KCTD16: variants seen among roughly 807,000 people sequenced by gnomAD.
The protein encoded by KCTD16 is BTB/POZ domain-containing protein KCTD16.
A neutral mutation model predicts 33.2 loss-of-function variants in KCTD16; 13 were observed. The ratio of observed to expected loss-of-function variants is 0.39; its 90% CI spans 0.25 to 0.62. The LOEUF is 0.62. Ranked by LOEUF, KCTD16 falls within the 20% of genes least tolerant of loss-of-function variation. The pLI is 0.50. For missense variants in KCTD16, 441 were observed against 525.1 expected, an observed-to-expected ratio of 0.84 and a Z score of 1.57; for synonymous variants, 197 against 195.3, an observed-to-expected ratio of 1.01 and a Z score of -0.07.
rs1314414129 is a variant in KCTD16, at chr5:144,456,058, A to G, written c.833-17602A>G. ...CTTGCATGATCTTCTACTTGTAGCTATAAATATCTGATTCACACACCTCCC... is the reference window on the plus strand; with the variant it reads ...CTTGCATGATCTTCTACTTGTAGCTGTAAATATCTGATTCACACACCTCCC... On this transcript the variant is annotated intron_variant, in intron 3 of 3. Transcript: ENST00000512467. 3.3e-5 allele frequency among the ~76,000 whole-genome samples: 5 copies of G among 152,272 alleles called. No individual in the cohort carries two copies. The East Asian group carries it at 7.7e-4, about 24-fold the overall frequency.
At chr5:144,459,626 A>T (rs945012209) in intron 3 of KCTD16, among the ~76,000 whole-genome samples, 1 of 152,032 alleles carries the variant, frequency 6.6e-6, no homozygotes, top group African/African-American at 2.4e-5. Context: ...CCGGGATTAC[A>T]GTTGTGAGCC....
chr5:144,364,725 G>A (rs548577641), intron 3 of KCTD16, among the ~76,000 whole-genome samples: 1 of 152,270 alleles, frequency 6.6e-6, no homozygotes, highest in Non-Finnish European at 1.5e-5. Flanking sequence ...GTGAAAACTG[G>A]CAAGTAATTG....
At chr5:144,462,288 G>C (rs1280370862) in intron 3 of KCTD16, among the ~76,000 whole-genome samples, 1 of 151,958 alleles carries the variant, frequency 6.6e-6, no homozygotes, top group African/African-American at 2.4e-5. Context: ...ATCAGTCTAT[G>C]ACTCCCATCA....
At chr5:144,395,435 C>G (rs1481388219) in intron 3 of KCTD16, among the ~76,000 whole-genome samples, 4 of 152,104 alleles carry the variant, frequency 2.6e-5, no homozygotes, top group Non-Finnish European at 5.9e-5. Flanking sequence ...CTCCTGGAGG[C>G]CTTCTCTGGG....
chr5:144,399,964 C>T (rs1752666319), intron 3 of KCTD16, among the ~76,000 whole-genome samples: 1 of 152,096 alleles, frequency 6.6e-6, no homozygotes, highest in Non-Finnish European at 1.5e-5. Flanking sequence ...AAGTTATGCT[C>T]CTATTTTCCC....
chr5:144,275,292 C>CT (rs34630682), intron 3 of KCTD16, among the ~76,000 whole-genome samples: 11 of 151,214 alleles, frequency 7.3e-5, no homozygotes, highest in Non-Finnish European at 8.9e-5. Context: ...TCTGCTCCTC[C>CT]TTTTTTTTTG....
intron 3 of KCTD16, among the ~76,000 whole-genome samples, chr5:144,446,150 A>G (rs1753813166): frequency 6.6e-6 from 1 of 151,900 alleles, no homozygotes; most frequent in Non-Finnish European, 1.5e-5. Context: ...ATATATGTCC[A>G]TGAGTTTCTG....
intron 3 of KCTD16, among the ~76,000 whole-genome samples, chr5:144,224,944 T>C (rs1360275596): frequency 6.6e-6 from 1 of 152,164 alleles, no homozygotes; most frequent in African/African-American, 2.4e-5. Flanking sequence ...TAGAACCTAG[T>C]AGTATCCATC....
At chr5:144,182,591 T>C (rs1449233295) in intron 2 of KCTD16, among the ~76,000 whole-genome samples, 1 of 152,172 alleles carries the variant, frequency 6.6e-6, no homozygotes, top group Non-Finnish European at 1.5e-5. Context: ...GTTAATAATA[T>C]ACTATTGCAT....
chr5:144,418,929 G>A (rs1753147265), intron 3 of KCTD16, among the ~76,000 whole-genome samples: 1 of 152,064 alleles, frequency 6.6e-6, no homozygotes, highest in African/African-American at 2.4e-5. Context: ...TCATGGTTAT[G>A]TTTGGAACAC....
At chr5:144,227,272 G>C (rs543997330) in intron 3 of KCTD16, among the ~76,000 whole-genome samples, 3 of 152,180 alleles carry the variant, frequency 2.0e-5, no homozygotes, top group African/African-American at 7.2e-5. Context: ...TTAAATAAAG[G>C]CTTGTAGAAG....
At chr5:144,372,227 A>G (rs1751984656) in intron 3 of KCTD16, among the ~76,000 whole-genome samples, 1 of 151,698 alleles carries the variant, frequency 6.6e-6, no homozygotes. Flanking sequence ...TTGTCTACAA[A>G]TGTGAATAAC....
intron 3 of KCTD16, among the ~76,000 whole-genome samples, chr5:144,445,583 G>A (rs1390546135): frequency 6.6e-6 from 1 of 151,926 alleles, no homozygotes; most frequent in Non-Finnish European, 1.5e-5. Context: ...ATGTGATTAT[G>A]TTCCCAGAAC....
intron 3 of KCTD16, among the ~76,000 whole-genome samples, chr5:144,417,779 G>A (rs1294086022): frequency 6.6e-6 from 1 of 152,060 alleles, no homozygotes; most frequent in Middle Eastern, 3.2e-3. Context: ...GGTCTATGTT[G>A]TAAAGTAGGG....
rs141347162 is a variant in KCTD16, at chr5:144,228,497, G to A, written c.832+20951G>A. Among the ~76,000 whole-genome samples, 527 of 152,296 alleles carry A rather than the reference G, an allele frequency of 3.5e-3. 5 individuals are homozygous for A. The highest frequency in any genetic ancestry group is 0.012 in the African/African-American group (497 of 41,574). ...CATTGGAATGTATTTCAGAGGAATC[G>A]TAGCAGAGGAACTAGGAAAAGTGAG... On this transcript the variant is annotated intron_variant, in intron 3 of 3. Coordinates refer to ENST00000512467, the MANE Select transcript of KCTD16 (RefSeq NM_020768.4).
intron 3 of KCTD16, among the ~76,000 whole-genome samples, chr5:144,410,058 T>G (rs1177562754): frequency 1.3e-5 from 2 of 152,216 alleles, no homozygotes; most frequent in African/African-American, 2.4e-5. Flanking sequence ...TAGCATGTAC[T>G]AAAGCCTCAA....
rs376426438 is a variant in KCTD16, at chr5:144,474,137, G to GAAAA, written c.*30_*33dup. On this transcript the variant is annotated 3_prime_UTR_variant, in exon 4 of 4. Transcript: ENST00000512467. ...TAAGGGAGGGCTGGGGGCGGGAAAAGAAAAAAAAAAGTCATTTTGAAATTA... is the reference window on the plus strand; with the variant it reads ...TAAGGGAGGGCTGGGGGCGGGAAAAGAAAAAAAAAAAAAAGTCATTTTGAAATTA... The GAAAA allele has an allele frequency of 1.5e-5, 20 of 1,360,680 alleles. No individual in the cohort carries two copies. Among genetic ancestry groups the GAAAA allele is most frequent in the Non-Finnish European group, 2.0e-5 (20 of 1,011,826 alleles). 84.3% of individuals were successfully genotyped at this position (1,360,680 alleles called of 1,614,324 possible).
At chr5:144,195,980 T>A (rs1035860268) in intron 2 of KCTD16, among the ~76,000 whole-genome samples, 1 of 152,206 alleles carries the variant, frequency 6.6e-6, no homozygotes, top group African/African-American at 2.4e-5. Context: ...CAGAGTGTTT[T>A]CCCCTATTGG....
chr5:144,195,027 C>T (rs969355919), intron 2 of KCTD16, among the ~76,000 whole-genome samples: 1 of 152,174 alleles, frequency 6.6e-6, no homozygotes, highest in African/African-American at 2.4e-5. Flanking sequence ...CTTTGTGTCA[C>T]ACACTTGCCT....
Sources: gnomAD v4.1 joint callset for allele counts (sites outside exome capture counted in the v4.1 genomes callset) on GRCh38, gnomAD v4.1.1 for gene constraint, MANE v1.5 for transcripts, NCBI Gene and HGNC (gene_info 2026-07-23, HGNC 2026-07-21) for gene names.